The following MPPED2 variants were observed in gnomAD, a reference collection of about 807,000 sequenced individuals.
MPPED2 encodes metallophosphoesterase MPPED2.
A neutral mutation model predicts 33.0 loss-of-function variants in MPPED2; 5 were observed. That is an observed-to-expected ratio of 0.15 (90% CI 0.08 to 0.32). The LOEUF (loss-of-function observed/expected upper bound fraction) is 0.32, where lower values mean the gene tolerates loss of function less well. Among genes scored for constraint, MPPED2 ranks in the 10% least tolerant of loss-of-function variants. The pLI, the probability that MPPED2 is intolerant of heterozygous loss-of-function variation, is 1.00. For missense variants in MPPED2, 275 were observed against 372.1 expected (o/e 0.74, Z 2.15); for synonymous variants, 136 against 141.9 (o/e 0.96, Z 0.29).
At chr11:30,503,041 T>C (rs919297168) in intron 3 of MPPED2, among the ~76,000 whole-genome samples, 2 of 152,098 alleles carry the variant, frequency 1.3e-5, no homozygotes, top group African/African-American at 4.8e-5. Context: ...CATCCAAATC[T>C]CATCTTGAAT....
At chr11:30,520,709 T>TTAAAA (rs1241233902) in intron 3 of MPPED2, among the ~76,000 whole-genome samples, 1 of 152,194 alleles carries the variant, frequency 6.6e-6, no homozygotes, top group African/African-American at 2.4e-5. Context: ...CTTAAAATAA[T>TTAAAA]TATCAATTTC....
At chr11:30,472,770 G>A (rs182279830) in intron 4 of MPPED2, among the ~76,000 whole-genome samples, 1 of 152,300 alleles carries the variant, frequency 6.6e-6, no homozygotes, top group African/African-American at 2.4e-5. Flanking sequence ...GAAGGAAATG[G>A]GAGCTAGAGA....
chr11:30,506,284 T>C (rs1952824383), intron 3 of MPPED2, among the ~76,000 whole-genome samples: 2 of 152,098 alleles, frequency 1.3e-5, no homozygotes. Context: ...GCTGATCCCC[T>C]CAGCCCGCCT....
chr11:30,446,576 C>A lies in MPPED2; in HGVS notation c.537-28943G>T, dbSNP rs113954287. On this transcript the variant is annotated intron_variant, in intron 4 of 6. Transcript: ENST00000358117. ...CGCTTGCTGCAGCCTCCATGCTCTGCAAGGCTGTTTTATTCTTCTTTGTAG... is the reference window on the plus strand; with the variant it reads ...CGCTTGCTGCAGCCTCCATGCTCTGAAAGGCTGTTTTATTCTTCTTTGTAG... Among the ~76,000 whole-genome samples, 1,124 of 152,242 alleles carry A rather than the reference C, an allele frequency of 7.4e-3. 23 individuals carry two copies. The highest frequency in any genetic ancestry group is 0.026 in the African/African-American group (1,068 of 41,554).
intron 1 of MPPED2, among the ~76,000 whole-genome samples, chr11:30,585,511 A>T (rs1232732850): frequency 6.6e-6 from 1 of 152,012 alleles, no homozygotes; most frequent in Non-Finnish European, 1.5e-5. Flanking sequence ...CAATGCACCC[A>T]GGCCTAGGCC....
At chr11:30,541,928 T>C (rs554762475) in intron 2 of MPPED2, among the ~76,000 whole-genome samples, 1 of 152,302 alleles carries the variant, frequency 6.6e-6, no homozygotes, top group South Asian at 2.1e-4. Context: ...CAATGTGATA[T>C]CAAGGCTTTC....
intron 4 of MPPED2, among the ~76,000 whole-genome samples, chr11:30,472,747 C>A (rs1009495123): frequency 6.6e-6 from 1 of 152,042 alleles, no homozygotes; most frequent in African/African-American, 2.4e-5. Flanking sequence ...GGTGGTTACT[C>A]GGGGCTGGGT....
At chr11:30,498,390 G>C (rs1380671453) in intron 3 of MPPED2, among the ~76,000 whole-genome samples, 1 of 152,032 alleles carries the variant, frequency 6.6e-6, no homozygotes, top group Non-Finnish European at 1.5e-5. Context: ...TTTGAGACCA[G>C]CCTGGCCAAT....
intron 1 of MPPED2, among the ~76,000 whole-genome samples, chr11:30,582,151 T>C (rs554859130): frequency 6.6e-6 from 1 of 152,246 alleles, no homozygotes. Context: ...AACACCTGCT[T>C]CAAATTGCAG....
chr11:30,490,966 A>G (rs1565119943), intron 4 of MPPED2, among the ~76,000 whole-genome samples: 1 of 152,302 alleles, frequency 6.6e-6, no homozygotes, highest in Admixed American at 6.5e-5. Context: ...TTTGATTTCT[A>G]TTTTTAAAAC....
intron 4 of MPPED2, among the ~76,000 whole-genome samples, chr11:30,466,834 A>G (rs1950727335): frequency 6.6e-6 from 1 of 152,224 alleles, no homozygotes; most frequent in South Asian, 2.1e-4. Flanking sequence ...ATACAAGCAT[A>G]ACATTTAGAT....
chr11:30,515,780 G>A (rs531092694), intron 3 of MPPED2, among the ~76,000 whole-genome samples: 1 of 152,294 alleles, frequency 6.6e-6, no homozygotes, highest in Non-Finnish European at 1.5e-5. Context: ...CTTACAGACA[G>A]CTAAGAACCT....
intron 2 of MPPED2, among the ~76,000 whole-genome samples, chr11:30,575,350 T>C (rs556270623): frequency 6.6e-6 from 1 of 152,324 alleles, no homozygotes; most frequent in Admixed American, 6.5e-5. Flanking sequence ...ATTTATCAAG[T>C]GGTATCTTTT....
chr11:30,513,771 G>A (rs1167579869), intron 3 of MPPED2, among the ~76,000 whole-genome samples: 1 of 151,942 alleles, frequency 6.6e-6, no homozygotes, highest in Non-Finnish European at 1.5e-5. Flanking sequence ...GGAAACAAAA[G>A]AATGAAAGAA....
downstream of MPPED2, among the ~76,000 whole-genome samples, chr11:30,409,708 T>C (rs1159355162): frequency 6.6e-6 from 1 of 152,196 alleles, no homozygotes; most frequent in Non-Finnish European, 1.5e-5. Context: ...GATTATGCTG[T>C]TTTGCTTCAG....
chr11:30,548,978 G>A (rs2134606137), intron 2 of MPPED2, among the ~76,000 whole-genome samples: 1 of 152,272 alleles, frequency 6.6e-6, no homozygotes, highest in East Asian at 1.9e-4. Context: ...AAATCATCAT[G>A]ACTACAGTTG....
chr11:30,510,173 C>T (rs1953074674), intron 3 of MPPED2, among the ~76,000 whole-genome samples: 1 of 152,086 alleles, frequency 6.6e-6, no homozygotes, highest in Admixed American at 6.6e-5. Context: ...TGTTTTTAAC[C>T]TGTACTATCA....
rs565396895 is a variant in MPPED2, at chr11:30,470,127, T to C, written c.536+25169A>G. On this transcript the variant is annotated intron_variant, in intron 4 of 6. Coordinates refer to ENST00000358117, the MANE Select transcript of MPPED2 (RefSeq NM_001584.3). Reference sequence around the variant, plus strand: ...TTCTTTTATGAAAATTTATTATTCATTTTCATTTTTAAGGTACACATAGGA... The same window carrying C: ...TTCTTTTATGAAAATTTATTATTCACTTTCATTTTTAAGGTACACATAGGA... Among the ~76,000 whole-genome samples, 7 of 152,316 alleles carry C rather than the reference T, an allele frequency of 4.6e-5. No individual in the cohort carries two copies. The South Asian group carries it at 1.4e-3, about 32-fold the overall frequency.
In MPPED2 at chr11:30,411,207, G is replaced by C; in HGVS notation, c.*261C>G. ...AAAGAAAGCTTGGCTGTCCTTTGGC[G>C]AACACTAACAATTTACAATGGCATG... On this transcript the variant is annotated 3_prime_UTR_variant, in exon 7 of 7. Coordinates refer to ENST00000358117, the MANE Select transcript of MPPED2 (RefSeq NM_001584.3). The C allele has an allele frequency of 9.1e-7, 1 of 1,096,730 alleles. No individual in the cohort carries two copies. The highest frequency in any genetic ancestry group is 1.1e-6 in the Non-Finnish European group (1 of 901,518). 67.9% of individuals were successfully genotyped at this position (1,096,730 alleles called of 1,614,324 possible).
Sources: allele counts gnomAD v4.1 joint callset (sites outside exome capture counted in the v4.1 genomes callset), GRCh38; gene constraint gnomAD v4.1.1; transcripts MANE v1.5; gene names NCBI Gene and HGNC (gene_info 2026-07-23, HGNC 2026-07-21).